Variants in PRORP observed in about 807,000 individuals in gnomAD.
PRORP encodes protein only RNase P catalytic subunit.
Under a neutral mutation model 59.4 loss-of-function variants are expected in PRORP, and 51 were observed. The observed-to-expected ratio is 0.86, with a 90% CI of 0.69 to 1.08. The LOEUF is 1.08. Ranked by LOEUF, PRORP falls within the 50% of genes least tolerant of loss-of-function variation. PRORP has a pLI of 0.00. For synonymous variants in PRORP, 231 were observed against 245.6 expected (o/e 0.94, Z 0.55); for missense variants, 646 against 690.3 (o/e 0.94, Z 0.72).
At chr14:35,222,328 G>A (rs1197345807) in intron 5 of PRORP, 2 of 152,078 alleles carry the variant, frequency 1.3e-5, no homozygotes, top group Non-Finnish European at 2.9e-5. Context: ...CTCAAAAACT[G>A]ACATCTCTCC....
chr14:35,148,318 GT>G (rs565758647), intron 4 of PRORP, among the ~76,000 whole-genome samples: 30 of 152,336 alleles, frequency 2.0e-4, no homozygotes, highest in African/African-American at 7.2e-4. Context: ...TGGATGTTGT[GT>G]TGGTAGACAT....
At chr14:35,164,084 G>A (rs1481512222) in intron 4 of PRORP, among the ~76,000 whole-genome samples, 1 of 152,140 alleles carries the variant, frequency 6.6e-6, no homozygotes, top group East Asian at 1.9e-4. Flanking sequence ...GTATGTGAGT[G>A]TGCAGCTTTA....
chr14:35,200,134 A>G (rs1170796194), intron 5 of PRORP, among the ~76,000 whole-genome samples: 8 of 152,218 alleles, frequency 5.3e-5, no homozygotes, highest in Non-Finnish European at 1.2e-4. Context: ...GAAAATCCCA[A>G]AAGCCACGAC....
intron 5 of PRORP, among the ~76,000 whole-genome samples, chr14:35,264,832 G>A (rs767949558): frequency 1.3e-5 from 2 of 152,140 alleles, no homozygotes; most frequent in Admixed American, 6.6e-5. Flanking sequence ...ACAAAAATTA[G>A]CCAGGCATGA....
intron 5 of PRORP, among the ~76,000 whole-genome samples, chr14:35,256,583 G>A (rs1418741627): frequency 6.6e-6 from 1 of 151,868 alleles, no homozygotes; most frequent in Non-Finnish European, 1.5e-5. Flanking sequence ...GCCCACCTTG[G>A]CCTCCCAAAG....
chr14:35,245,291 C>G (rs1182143803), intron 5 of PRORP, among the ~76,000 whole-genome samples: 1 of 152,162 alleles, frequency 6.6e-6, no homozygotes, highest in Non-Finnish European at 1.5e-5. Context: ...TATGGAAACT[C>G]TAGACTACAG....
intron 5 of PRORP, among the ~76,000 whole-genome samples, chr14:35,209,055 A>C (rs977942529): frequency 2.0e-5 from 3 of 151,990 alleles, no homozygotes; most frequent in Non-Finnish European, 2.9e-5. Context: ...AAAATAAATA[A>C]AAATACAAAT....
Position 35,152,532 on chromosome 14 carries a change from C to T in PRORP, c.1167+24921C>T, listed in dbSNP as rs535261611. On this transcript the variant is annotated intron_variant, in intron 4 of 7. Coordinates refer to ENST00000534898, the MANE Select transcript of PRORP (RefSeq NM_014672.4). ...CCAGGCAGAGGTGCCTCCCACCTCC[C>T]GGATGGGGCAGCGGCCGGGTGGAGG... is the stretch of plus-strand genomic sequence containing the variant. 7.3e-5 allele frequency among the ~76,000 whole-genome samples: 11 copies of T among 151,682 alleles called. No individual in the cohort carries two copies. In the South Asian group the frequency reaches 8.3e-4, roughly 11 times the overall value.
chr14:35,166,242 G>T (rs2048181648), intron 4 of PRORP, among the ~76,000 whole-genome samples: 1 of 151,694 alleles, frequency 6.6e-6, no homozygotes, highest in Non-Finnish European at 1.5e-5. Flanking sequence ...AATCTTTACT[G>T]CTTTCAAAGC....
At chr14:35,217,530 T>G (rs936608426) in intron 5 of PRORP, among the ~76,000 whole-genome samples, 1 of 151,122 alleles carries the variant, frequency 6.6e-6, no homozygotes, top group Non-Finnish European at 1.5e-5. Context: ...AAAGAAACCA[T>G]TGTTTAATCC....
chr14:35,133,961 G>A (rs948026186), intron 4 of PRORP, among the ~76,000 whole-genome samples: 2 of 152,186 alleles, frequency 1.3e-5, no homozygotes, highest in Non-Finnish European at 2.9e-5. Flanking sequence ...CTTGCCCAAA[G>A]CCTGCTTAAC....
rs919256049 is a variant in PRORP, at chr14:35,144,882, A to G, written c.1167+17271A>G. 4.1e-5 allele frequency among the ~76,000 whole-genome samples: 6 copies of G among 145,904 alleles called. 1 individual carries two copies. Among genetic ancestry groups the G allele is most frequent in the Non-Finnish European group, 7.6e-5 (5 of 65,604 alleles). On this transcript the variant is annotated intron_variant, in intron 4 of 7. Transcript: ENST00000534898. ...GTTCAAGTAAAGTTTATTTCCCTCT[A>G]TCTTATTACACAAGCATATTAACAA... is the stretch of plus-strand genomic sequence containing the variant.
Position 35,216,442 on chromosome 14 carries a change from G to A in PRORP, c.1275+35665G>A, listed in dbSNP as rs572514058. Among the ~76,000 whole-genome samples, 3 of 151,698 alleles carry A rather than the reference G, an allele frequency of 2.0e-5. No individual in the cohort carries two copies. In the South Asian group the frequency reaches 6.3e-4, roughly 32 times the overall value. On this transcript the variant is annotated intron_variant, in intron 5 of 7. Transcript: ENST00000534898. ...CTCCCGCCTCAGCCCCCAAGTAGCT[G>A]GGACCAGAGGCACGTGCCACCACAC...
intron 5 of PRORP, among the ~76,000 whole-genome samples, chr14:35,226,841 C>G (rs547331692): frequency 6.6e-6 from 1 of 151,964 alleles, no homozygotes; most frequent in Non-Finnish European, 1.5e-5. Flanking sequence ...CTCAGGTGAT[C>G]CTCCCACTTC....
intron 5 of PRORP, among the ~76,000 whole-genome samples, chr14:35,187,400 G>T (rs1415365057): frequency 6.6e-6 from 1 of 150,424 alleles, no homozygotes; most frequent in Non-Finnish European, 1.5e-5. Flanking sequence ...TGTAAGAAAT[G>T]CAGGACCTGG....
At chr14:35,180,813 T>G in intron 5 of PRORP, 36 bp downstream of exon 5, 30 of 1,317,236 alleles carry the variant, frequency 2.3e-5, no homozygotes, top group African/African-American at 2.9e-5. Context: ...TCCACATCTC[T>G]AGAAATATTT....
chr14:35,239,751 G>A (rs1482814598), intron 5 of PRORP, among the ~76,000 whole-genome samples: 1 of 152,144 alleles, frequency 6.6e-6, no homozygotes, highest in Non-Finnish European at 1.5e-5. Context: ...AGAAAACCAA[G>A]GGTCTTCTGC....
rs1402710313 is a variant in PRORP, at chr14:35,136,495, C to T, written c.1167+8884C>T. Among the ~76,000 whole-genome samples the T allele has an allele frequency of 2.8e-5, 4 of 145,230 alleles. 1 individual carries two copies. The highest frequency in any genetic ancestry group is 2.1e-4 in the Admixed American group (3 of 14,006). Reference sequence around the variant, plus strand: ...GTTTAAGCAATTCTCCTGTCTCAGCCGCCTGAGTAGCTGGGATTACAGGCA... The same window carrying T: ...GTTTAAGCAATTCTCCTGTCTCAGCTGCCTGAGTAGCTGGGATTACAGGCA... On this transcript the variant is annotated intron_variant, in intron 4 of 7. Coordinates refer to ENST00000534898, the MANE Select transcript of PRORP (RefSeq NM_014672.4).
In PRORP at chr14:35,172,545, C is replaced by G. The variant is rs114252109; in HGVS notation, c.1168-8125C>G. On this transcript the variant is annotated intron_variant, in intron 4 of 7. Transcript: ENST00000534898. ...CTCCCTCTCTCTCCTGTCCTCTCCT[C>G]TCCTCTTTCTTTCTTTCTTTCTTTT... Among the ~76,000 whole-genome samples the G allele has an allele frequency of 5.8e-3, 683 of 118,026 alleles. 9 individuals are homozygous for G. The highest frequency in any genetic ancestry group is 0.021 in the African/African-American group (647 of 30,154). The allele number at this position is 118,026 out of a possible 152,430, so 77.4% of individuals were successfully genotyped here.
Sources: gnomAD v4.1 joint callset for allele counts (sites outside exome capture counted in the v4.1 genomes callset) on GRCh38, gnomAD v4.1.1 for gene constraint, MANE v1.5 for transcripts, NCBI Gene and HGNC (gene_info 2026-07-23, HGNC 2026-07-21) for gene names.